AMD1: variants seen among roughly 807,000 people sequenced by gnomAD.
AMD1 encodes S-adenosylmethionine decarboxylase proenzyme.
AMD1 carries 11 observed loss-of-function variants against 40.2 expected under a neutral mutation model. The observed-to-expected ratio is 0.27, with a 90% CI of 0.17 to 0.45. The LOEUF is 0.45. Ranked by LOEUF, AMD1 falls within the 20% of genes least tolerant of loss-of-function variation. The probability of loss-of-function intolerance (pLI) is 1.00; values close to 1 mark genes in which losing one functional copy is unlikely to be tolerated. For missense variants in AMD1, 257 were observed against 410.2 expected, an observed-to-expected ratio of 0.63 and a Z score of 3.23; for synonymous variants, 121 against 130.8, an observed-to-expected ratio of 0.93 and a Z score of 0.51.
upstream of AMD1, among the ~76,000 whole-genome samples, chr6:110,872,718 A>G (rs945338757): frequency 2.0e-5 from 3 of 152,222 alleles, no homozygotes; most frequent in African/African-American, 4.8e-5. Flanking sequence ...CAAAGGACCA[A>G]TCCAGTTGGT....
At chr6:110,865,645 T>C in the AMD1 span, among the ~76,000 whole-genome samples, 2 of 152,180 alleles carry the variant, frequency 1.3e-5, no homozygotes, top group East Asian at 3.9e-4. Context: ...TCTATCCACC[T>C]CAGCCTCCCA....
the AMD1 span, among the ~76,000 whole-genome samples, chr6:110,841,920 G>A: frequency 8.6e-5 from 13 of 151,464 alleles, no homozygotes; most frequent in African/African-American, 2.4e-4. Flanking sequence ...CTCCTGCCTC[G>A]GCCTCCCAGG....
At chr6:110,849,113 C>T in the AMD1 span, among the ~76,000 whole-genome samples, 8 of 152,270 alleles carry the variant, frequency 5.3e-5, no homozygotes, top group South Asian at 2.1e-4. Context: ...TTCATGTTGA[C>T]GTGATACAGA....
the AMD1 span, chr6:110,859,075 C>A: frequency 7.8e-7 from 1 of 1,276,534 alleles, no homozygotes; most frequent in Non-Finnish European, 1.1e-6. Context: ...GCCGACAGGG[C>A]TCCCTCGGGC....
intron 4 of AMD1, 65 bp from the exon 5 acceptor site, chr6:110,892,096 G>A: frequency 6.5e-7 from 1 of 1,531,912 alleles, no homozygotes; most frequent in Non-Finnish European, 9.0e-7. Context: ...TTGTGGAAGG[G>A]TAGTAACAAA....
chr6:110,825,582 A>G, the AMD1 span, among the ~76,000 whole-genome samples: 1 of 152,222 alleles, frequency 6.6e-6, no homozygotes, highest in African/African-American at 2.4e-5. Context: ...TGACATGTTC[A>G]TTGCCTCAGT....
At chr6:110,871,643 T>A (rs1032366042), upstream of AMD1, among the ~76,000 whole-genome samples, 2 of 152,174 alleles carry the variant, frequency 1.3e-5, no homozygotes, top group African/African-American at 2.4e-5. Context: ...AAAGCTTGAG[T>A]TGAAGACAGC....
the AMD1 span, among the ~76,000 whole-genome samples, chr6:110,855,695 A>C: frequency 9.4e-4 from 143 of 152,276 alleles, 2 homozygotes; most frequent in Non-Finnish European, 1.5e-3. Context: ...AAAGGTGCAA[A>C]AAGGTAGAGT....
chr6:110,866,046 A>AC, the AMD1 span, among the ~76,000 whole-genome samples: 1 of 151,912 alleles, frequency 6.6e-6, no homozygotes, highest in African/African-American at 2.4e-5. Context: ...TACAGGTGTG[A>AC]CCCACCATGC....
chr6:110,877,003 G>T (rs926903687), intron 1 of AMD1, among the ~76,000 whole-genome samples: 3 of 152,220 alleles, frequency 2.0e-5, no homozygotes, highest in Non-Finnish European at 4.4e-5. Flanking sequence ...TCAAAGTGGA[G>T]AGAGGAGGAA....
intron 2 of AMD1, among the ~76,000 whole-genome samples, chr6:110,888,042 G>A (rs1665509758): frequency 6.6e-6 from 1 of 152,006 alleles, no homozygotes; most frequent in African/African-American, 2.4e-5. Flanking sequence ...AGTGTAACGT[G>A]GATGTTTCTA....
chr6:110,837,295 A>G, the AMD1 span, among the ~76,000 whole-genome samples: 1 of 149,536 alleles, frequency 6.7e-6, no homozygotes, highest in Admixed American at 6.7e-5. Context: ...ATAGAGTCCC[A>G]TCTCTATTTA....
At chr6:110,817,913 A>G in the AMD1 span, among the ~76,000 whole-genome samples, 1 of 152,136 alleles carries the variant, frequency 6.6e-6, no homozygotes, top group Non-Finnish European at 1.5e-5. Flanking sequence ...GTAAGCCTTT[A>G]CTTGAAGGAC....
At chr6:110,877,213 C>A (rs969959917) in intron 1 of AMD1, among the ~76,000 whole-genome samples, 1 of 152,170 alleles carries the variant, frequency 6.6e-6, no homozygotes, top group Non-Finnish European at 1.5e-5. Flanking sequence ...ATTCATTGAA[C>A]AACTATTGGT....
the AMD1 span, among the ~76,000 whole-genome samples, chr6:110,865,677 G>A: frequency 6.6e-6 from 1 of 152,038 alleles, no homozygotes; most frequent in Admixed American, 6.6e-5. Context: ...TCACAGGCGT[G>A]AGCCACTGAG....
At chr6:110,828,440 AAAAG>A in the AMD1 span, among the ~76,000 whole-genome samples, 3 of 152,208 alleles carry the variant, frequency 2.0e-5, no homozygotes, top group African/African-American at 4.8e-5. Context: ...TCTCAAAAAA[AAAAG>A]AAAGAAAGAA....
At chr6:110,853,488 T>C in the AMD1 span, among the ~76,000 whole-genome samples, 1 of 152,064 alleles carries the variant, frequency 6.6e-6, no homozygotes, top group African/African-American at 2.4e-5. Flanking sequence ...TTGTATTTTT[T>C]AGTAGAGACA....
At chr6:110,838,706 A>C in the AMD1 span, among the ~76,000 whole-genome samples, 25 of 152,032 alleles carry the variant, frequency 1.6e-4, no homozygotes, top group African/African-American at 6.0e-4. Context: ...TGAAAATACA[A>C]AAATTGGTCT....
chr6:110,825,734 T>A, the AMD1 span, among the ~76,000 whole-genome samples: 1 of 152,190 alleles, frequency 6.6e-6, no homozygotes, highest in Non-Finnish European at 1.5e-5. Context: ...TAAACATTGA[T>A]TAAAAGTCTG....
Sources: allele counts gnomAD v4.1 joint callset (sites outside exome capture counted in the v4.1 genomes callset), GRCh38; gene constraint gnomAD v4.1.1; transcripts MANE v1.5; gene names NCBI Gene and HGNC (gene_info 2026-07-23, HGNC 2026-07-21).